Variants in STXBP5L observed in about 807,000 individuals in gnomAD.
STXBP5L encodes syntaxin-binding protein 5-like.
STXBP5L carries 65 observed loss-of-function variants against 144.5 expected under a neutral mutation model. The observed-to-expected ratio is 0.45, with a 90% confidence interval of 0.37 to 0.55. The LOEUF (loss-of-function observed/expected upper bound fraction) is 0.55. STXBP5L is among the 20% of genes least tolerant of loss of function. The probability of loss-of-function intolerance (pLI) is 0.00; values close to 1 mark genes in which losing one functional copy is unlikely to be tolerated. For synonymous variants in STXBP5L, 505 were observed against 469.6 expected (o/e 1.08, Z -0.97); for missense variants, 1,298 against 1,405.5 (o/e 0.92, Z 1.22).
chr3:120,919,612 A>G (rs1709266796), intron 2 of STXBP5L, among the ~76,000 whole-genome samples: 1 of 151,918 alleles, frequency 6.6e-6, no homozygotes, highest in Non-Finnish European at 1.5e-5. Flanking sequence ...TTGCTGTTTG[A>G]GGTAATATTC....
intron 3 of STXBP5L, among the ~76,000 whole-genome samples, chr3:121,003,933 C>T (rs946082930): frequency 1.8e-4 from 27 of 151,882 alleles, no homozygotes; most frequent in African/African-American, 4.8e-4. Flanking sequence ...ACCAGTACCA[C>T]GCTGTTTTGG....
chr3:121,078,333 T>C (rs772376969), intron 5 of STXBP5L, among the ~76,000 whole-genome samples: 3 of 152,040 alleles, frequency 2.0e-5, no homozygotes, highest in Non-Finnish European at 4.4e-5. Flanking sequence ...AACCCTGAGC[T>C]AGACACAGGG....
At chr3:121,173,432 A>C (rs1425148757) in intron 9 of STXBP5L, among the ~76,000 whole-genome samples, 2 of 151,936 alleles carry the variant, frequency 1.3e-5, no homozygotes, top group African/African-American at 4.8e-5. Flanking sequence ...TATTAAACTT[A>C]TCAGAGAACT....
chr3:120,947,728 C>A (rs1417303966), intron 2 of STXBP5L, among the ~76,000 whole-genome samples: 1 of 151,802 alleles, frequency 6.6e-6, no homozygotes, highest in Non-Finnish European at 1.5e-5. Context: ...ATGTGACTAG[C>A]TTCTTCAGTT....
At chr3:121,112,631 C>CT (rs1349256442) in intron 5 of STXBP5L, among the ~76,000 whole-genome samples, 9 of 151,772 alleles carry the variant, frequency 5.9e-5, no homozygotes, top group African/African-American at 2.2e-4. Context: ...GGCAACAATA[C>CT]TTTTTTTATA....
intron 3 of STXBP5L, among the ~76,000 whole-genome samples, chr3:121,000,195 A>T (rs1576619130): frequency 6.6e-6 from 1 of 152,182 alleles, no homozygotes; most frequent in Admixed American, 6.6e-5. Context: ...GAAAATCCTC[A>T]AATATGTATT....
chr3:121,339,969 G>T (rs967554631), intron 20 of STXBP5L, among the ~76,000 whole-genome samples: 1 of 152,020 alleles, frequency 6.6e-6, no homozygotes, highest in Non-Finnish European at 1.5e-5. Context: ...TCACACAAAT[G>T]ATCATATTGC....
chr3:120,978,623 G>A (rs199991807), intron 3 of STXBP5L, among the ~76,000 whole-genome samples: 1 of 151,970 alleles, frequency 6.6e-6, no homozygotes, highest in Non-Finnish European at 1.5e-5. Context: ...GAGGCACTCT[G>A]CTTTTTAGAG....
At chr3:121,171,105 A>C (rs750338870) in intron 9 of STXBP5L, among the ~76,000 whole-genome samples, 17 of 152,232 alleles carry the variant, frequency 1.1e-4, no homozygotes, top group Non-Finnish European at 2.1e-4. Flanking sequence ...TGATTTTCTC[A>C]ATAGATGCAG....
intron 9 of STXBP5L, among the ~76,000 whole-genome samples, chr3:121,160,410 T>C (rs2046279010): frequency 6.6e-6 from 1 of 152,022 alleles, no homozygotes; most frequent in African/African-American, 2.4e-5. Flanking sequence ...AAATTAAAAA[T>C]ACAAAAATTT....
intron 2 of STXBP5L, among the ~76,000 whole-genome samples, chr3:120,954,542 TG>T (rs1221900041): frequency 6.6e-6 from 1 of 152,068 alleles, no homozygotes; most frequent in Non-Finnish European, 1.5e-5. Flanking sequence ...TATCACAGTT[TG>T]TTTTTTTAAT....
chr3:121,340,208 G>A (rs564339844), intron 20 of STXBP5L, among the ~76,000 whole-genome samples: 7 of 152,162 alleles, frequency 4.6e-5, no homozygotes, highest in Non-Finnish European at 7.4e-5. Flanking sequence ...AAGTAGATAC[G>A]TAGACCAATA....
chr3:121,282,285 CCTG>C, intron 19 of STXBP5L: 2 of 1,611,914 alleles, frequency 1.2e-6, no homozygotes, highest in Non-Finnish European at 1.7e-6. Flanking sequence ...GCATGCGTGG[CCTG>C]TCTAACTTTT....
At chr3:120,986,966 A>C (rs1397639752) in intron 3 of STXBP5L, among the ~76,000 whole-genome samples, 1 of 152,026 alleles carries the variant, frequency 6.6e-6, no homozygotes, top group Non-Finnish European at 1.5e-5. Flanking sequence ...AAGTGGACCA[A>C]CATGTGTATA....
chr3:121,399,853 A>G (rs1404594685), intron 22 of STXBP5L, among the ~76,000 whole-genome samples: 1 of 152,198 alleles, frequency 6.6e-6, no homozygotes, highest in Non-Finnish European at 1.5e-5. Context: ...TTATGGCCAG[A>G]TTTTGGGGGG....
At chr3:121,228,647 C>T (rs1359675093) in intron 11 of STXBP5L, among the ~76,000 whole-genome samples, 3 of 152,060 alleles carry the variant, frequency 2.0e-5, no homozygotes, top group African/African-American at 7.2e-5. Flanking sequence ...GAGGCTGAGG[C>T]AGTGGATGGC....
intron 3 of STXBP5L, among the ~76,000 whole-genome samples, chr3:120,976,726 G>C (rs964095485): frequency 7.2e-5 from 11 of 152,206 alleles, no homozygotes; most frequent in African/African-American, 2.7e-4. Flanking sequence ...ATGTGTCCCA[G>C]TGTTTCTGGT....
chr3:121,040,012 A>G (rs547674228), intron 3 of STXBP5L, among the ~76,000 whole-genome samples: 2 of 152,066 alleles, frequency 1.3e-5, no homozygotes, highest in Admixed American at 6.6e-5. Context: ...TAACATGCTC[A>G]ATCTCTCTAC....
At chr3:121,238,501 G>A (rs1328520025) in intron 12 of STXBP5L, among the ~76,000 whole-genome samples, 2 of 152,068 alleles carry the variant, frequency 1.3e-5, no homozygotes, top group African/African-American at 4.8e-5. Context: ...ATTTCAAGAT[G>A]AGGTTTGGAG....
Sources: gnomAD v4.1 joint callset for allele counts (sites outside exome capture counted in the v4.1 genomes callset) on GRCh38, gnomAD v4.1.1 for gene constraint, MANE v1.5 for transcripts, NCBI Gene and HGNC (gene_info 2026-07-23, HGNC 2026-07-21) for gene names.